PDE4D: variants seen among roughly 807,000 people sequenced by gnomAD.
The protein encoded by PDE4D is 3',5'-cyclic-AMP phosphodiesterase 4D.
PDE4D carries 24 observed loss-of-function variants against 87.4 expected under a neutral mutation model. The observed-to-expected ratio is 0.27, with a 90% confidence interval of 0.20 to 0.39. The LOEUF (loss-of-function observed/expected upper bound fraction) is 0.39, where lower values mean the gene tolerates loss of function less well. PDE4D is among the 10% of genes least tolerant of loss of function. The pLI, the probability that PDE4D is intolerant of heterozygous loss-of-function variation, is 1.00. For synonymous variants in PDE4D, 384 were observed against 383.2 expected (o/e 1.00, Z -0.02); for missense variants, 714 against 1,041.0 (o/e 0.69, Z 4.32).
intron 5 of PDE4D, among the ~76,000 whole-genome samples, chr5:59,071,985 G>C (rs957140548): frequency 1.3e-5 from 2 of 151,978 alleles, no homozygotes; most frequent in Non-Finnish European, 2.9e-5. Context: ...CACCGCGCCC[G>C]GCCAACATCT....
At chr5:59,171,974 T>A (rs1461912827) in intron 5 of PDE4D, among the ~76,000 whole-genome samples, 1 of 91,998 alleles carries the variant, frequency 1.1e-5, no homozygotes, top group African/African-American at 4.9e-5. Flanking sequence ...TATTATATAT[T>A]TATATAATAA....
chr5:59,562,398 G>A (rs1016528716), intron 1 of PDE4D, among the ~76,000 whole-genome samples: 1 of 151,922 alleles, frequency 6.6e-6, no homozygotes, highest in African/African-American at 2.4e-5. Flanking sequence ...TTCCTGAAAC[G>A]GCAAAATATA....
intron 1 of PDE4D, among the ~76,000 whole-genome samples, chr5:60,308,602 T>C (rs1463029775): frequency 2.6e-5 from 4 of 152,220 alleles, no homozygotes; most frequent in Admixed American, 2.0e-4. Context: ...TGTTTCTAAA[T>C]GTTGCCACAT....
chr5:59,564,271 A>C (rs1820529773), intron 1 of PDE4D, among the ~76,000 whole-genome samples: 1 of 152,216 alleles, frequency 6.6e-6, no homozygotes, highest in South Asian at 2.1e-4. Flanking sequence ...GAGAGATAGA[A>C]AGGGAGCTTC....
chr5:59,840,574 G>T, intron 1 of PDE4D, among the ~76,000 whole-genome samples: 1 of 151,962 alleles, frequency 6.6e-6, no homozygotes, highest in Non-Finnish European at 1.5e-5. Context: ...GGGCTTATCT[G>T]AAAAACTACT....
intron 1 of PDE4D, among the ~76,000 whole-genome samples, chr5:59,606,770 T>A (rs1297856713): frequency 6.6e-6 from 1 of 152,162 alleles, no homozygotes; most frequent in Non-Finnish European, 1.5e-5. Context: ...AAAGTACTAC[T>A]AGTTTGTCCA....
Position 59,056,599 on chromosome 5 carries a change from G to T in PDE4D, c.809-17628C>A, listed in dbSNP as rs374684435. Among the ~76,000 whole-genome samples, 18 of 151,786 alleles carry T rather than the reference G, an allele frequency of 1.2e-4. No individual in the cohort carries two copies. In the East Asian group the frequency reaches 3.3e-3, roughly 28 times the overall value. ...TTGTACTAATGTTCTTCCTCCCCTT[G>T]CTCCCCCAACCCCCACCAGGCCCCA... On this transcript the variant is annotated intron_variant, in intron 5 of 14. Coordinates refer to ENST00000340635, the MANE Select transcript of PDE4D (RefSeq NM_001104631.2).
intron 1 of PDE4D, among the ~76,000 whole-genome samples, chr5:59,878,898 T>G (rs973890924): frequency 3.1e-5 from 4 of 127,698 alleles, no homozygotes; most frequent in African/African-American, 1.3e-4. Flanking sequence ...TTTTTTTTTT[T>G]TTTTTTTTTT....
chr5:59,801,268 T>C (rs1767096836), intron 1 of PDE4D, among the ~76,000 whole-genome samples: 1 of 152,222 alleles, frequency 6.6e-6, no homozygotes, highest in Non-Finnish European at 1.5e-5. Context: ...TGAATCTAAA[T>C]TATAAAATGG....
At chr5:60,099,234 CTT>C (rs1775994670) in intron 2 of PDE4D, among the ~76,000 whole-genome samples, 1 of 151,862 alleles carries the variant, frequency 6.6e-6, no homozygotes, top group Non-Finnish European at 1.5e-5. Context: ...AGAATTCTCA[CTT>C]TGTCTTTGAT....
At chr5:59,017,662 C>G (rs201934975) in intron 6 of PDE4D, among the ~76,000 whole-genome samples, 1 of 29,742 alleles carries the variant, frequency 3.4e-5, no homozygotes, top group Non-Finnish European at 7.6e-5. Context: ...CATCAAAATA[C>G]TTAAAAATGT....
intron 1 of PDE4D, among the ~76,000 whole-genome samples, chr5:60,423,705 T>C (rs1384885329): frequency 6.6e-6 from 1 of 150,618 alleles, no homozygotes; most frequent in Non-Finnish European, 1.5e-5. Flanking sequence ...AGAGGAGAAC[T>C]GAAGGAGATA....
At chr5:59,326,459 T>C (rs1050622958) in intron 1 of PDE4D, among the ~76,000 whole-genome samples, 7 of 152,064 alleles carry the variant, frequency 4.6e-5, no homozygotes, top group African/African-American at 7.2e-5. Flanking sequence ...CATATAACTA[T>C]TAAATACTTA....
rs192652381 is a variant in PDE4D at position 58,997,387 on chromosome 5, T to A, written c.922-3922A>T. Among the ~76,000 whole-genome samples the A allele has an allele frequency of 9.7e-4, 148 of 152,216 alleles. 2 individuals carry two copies. The highest frequency in any genetic ancestry group is 3.2e-3 in the African/African-American group (134 of 41,568). On this transcript the variant is annotated intron_variant, in intron 6 of 14. Transcript: ENST00000340635. ...CTTCTCTCATCTAAAAATAATTATATAATATTTACTAAGATAACTACATAA... is the reference window on the plus strand; with the variant it reads ...CTTCTCTCATCTAAAAATAATTATAAAATATTTACTAAGATAACTACATAA...
At chr5:60,477,157 T>C (rs1007125509) in intron 1 of PDE4D, among the ~76,000 whole-genome samples, 2 of 151,980 alleles carry the variant, frequency 1.3e-5, no homozygotes, top group African/African-American at 2.4e-5. Flanking sequence ...AGCAAGAACA[T>C]ATGAAAGCAT....
At chr5:59,541,106 G>A (rs1258311416) in intron 1 of PDE4D, among the ~76,000 whole-genome samples, 3 of 152,148 alleles carry the variant, frequency 2.0e-5, no homozygotes, top group Non-Finnish European at 4.4e-5. Context: ...ACAATTACAA[G>A]ATACTACATC....
chr5:60,025,292 A>G (rs1766507090), intron 2 of PDE4D, among the ~76,000 whole-genome samples: 1 of 152,188 alleles, frequency 6.6e-6, no homozygotes, highest in Non-Finnish European at 1.5e-5. Context: ...ACTCACATCT[A>G]TGTTAAGCAA....
chr5:60,130,051 C>T (rs913215087), intron 2 of PDE4D, among the ~76,000 whole-genome samples: 2 of 152,158 alleles, frequency 1.3e-5, no homozygotes, highest in Non-Finnish European at 1.5e-5. Flanking sequence ...TCTCCTTCCA[C>T]CATGTGAGGA....
intron 5 of PDE4D, among the ~76,000 whole-genome samples, chr5:59,129,832 A>T (rs1304560204): frequency 1.3e-5 from 2 of 152,180 alleles, no homozygotes; most frequent in Non-Finnish European, 2.9e-5. Context: ...ATTTCAAGAC[A>T]TAACTTCTCT....
Sources: gnomAD v4.1 joint callset for allele counts (sites outside exome capture counted in the v4.1 genomes callset) on GRCh38, gnomAD v4.1.1 for gene constraint, MANE v1.5 for transcripts, NCBI Gene and HGNC (gene_info 2026-07-23, HGNC 2026-07-21) for gene names.